PLBD1: variants seen among roughly 807,000 people sequenced by gnomAD.
PLBD1 encodes the protein lysosomal leucine aminopeptidase.
A neutral mutation model predicts 63.0 loss-of-function variants in PLBD1; 60 were observed. The ratio of observed to expected loss-of-function variants is 0.95; its 90% CI spans 0.77 to 1.18. The LOEUF is 1.18. Among genes scored for constraint, PLBD1 ranks in the 50% most tolerant of loss-of-function variants. The probability of loss-of-function intolerance (pLI) is 0.00; values close to 1 mark genes in which losing one functional copy is unlikely to be tolerated. For synonymous variants in PLBD1, 262 were observed against 248.0 expected, an observed-to-expected ratio of 1.06 and a Z score of -0.53; for missense variants, 598 against 677.9, an observed-to-expected ratio of 0.88 and a Z score of 1.31.
rs767137916 is a variant in PLBD1 at position 14,536,553 on chromosome 12, G to C, written c.699+17C>G. The C allele has an allele frequency of 1.9e-5, 30 of 1,612,380 alleles. No individual in the cohort carries two copies. The highest frequency in any genetic ancestry group is 2.5e-5 in the Non-Finnish European group (29 of 1,179,096). The stretch of plus-strand genomic sequence containing the variant: ...TGTATGAACCAGAACAAGGCAAAAG[G>C]AGCTGCTATGTCTTACCTTGATAAG... On this transcript the variant is annotated intron_variant, in intron 5 of 10. Coordinates refer to ENST00000240617, the MANE Select transcript of PLBD1 (RefSeq NM_024829.6).
intron 6 of PLBD1, among the ~76,000 whole-genome samples, chr12:14,514,913 G>A (rs1945326576): frequency 6.6e-6 from 1 of 151,948 alleles, no homozygotes; most frequent in Admixed American, 6.6e-5. Flanking sequence ...TAGCAGCTTT[G>A]GAAGGCAGAT....
intron 1 of PLBD1, among the ~76,000 whole-genome samples, chr12:14,566,325 A>T (rs1194569360): frequency 6.6e-6 from 1 of 152,222 alleles, no homozygotes; most frequent in Non-Finnish European, 1.5e-5. Context: ...GTGATAACTA[A>T]GCAAGTCTCA....
At chr12:14,534,236 A>C (rs529091431) in intron 6 of PLBD1, among the ~76,000 whole-genome samples, 2 of 152,320 alleles carry the variant, frequency 1.3e-5, no homozygotes, top group East Asian at 3.9e-4. Flanking sequence ...TAACCACCCC[A>C]TAAGTTACGG....
intron 6 of PLBD1, among the ~76,000 whole-genome samples, chr12:14,521,263 C>T (rs148546556): frequency 1.3e-5 from 2 of 152,186 alleles, no homozygotes; most frequent in Non-Finnish European, 2.9e-5. Flanking sequence ...GGTGTCCTGA[C>T]GCCCAAGGAA....
chr12:14,554,192 T>C (rs1945682734), intron 1 of PLBD1: 1 of 152,238 alleles, frequency 6.6e-6, no homozygotes, highest in Non-Finnish European at 1.5e-5. Context: ...TGTGGGTCCG[T>C]CCCTACACAA....
intron 8 of PLBD1, among the ~76,000 whole-genome samples, chr12:14,510,342 C>T (rs763497803): frequency 8.6e-5 from 13 of 151,710 alleles, no homozygotes; most frequent in Admixed American, 1.3e-4. Flanking sequence ...TGCAGGGAGC[C>T]GAGATCGCAC....
At chr12:14,535,558 C>T (rs1438471832) in intron 6 of PLBD1, 101 bp downstream of exon 6, 5 of 1,270,906 alleles carry the variant, frequency 3.9e-6, no homozygotes, top group African/African-American at 1.5e-5. Context: ...ATATACTAAC[C>T]ATTAAACATT....
chr12:14,567,726 G>T lies in PLBD1; in HGVS notation c.-30C>A, dbSNP rs780746529. ...CCACGGCCGCGACCTTCCTCTGCGG[G>T]ATCAGGCGGCCGCGGTGGCCCGCGG... On this transcript the variant is annotated 5_prime_UTR_variant, in exon 1 of 11. Coordinates refer to ENST00000240617, the MANE Select transcript of PLBD1 (RefSeq NM_024829.6). The T allele has an allele frequency of 1.4e-6, 2 of 1,393,156 alleles. No homozygotes were observed. Among genetic ancestry groups the T allele is most frequent in the Middle Eastern group, 5.2e-4 (2 of 3,830 alleles). The allele number at this position is 1,393,156 out of a possible 1,614,324, so 86.3% of individuals were successfully genotyped here. A position where few individuals can be genotyped will look rare whatever the true frequency, so the allele number is the denominator to read the frequency against.
At chr12:14,551,112 C>G (rs1473666284) in intron 2 of PLBD1, among the ~76,000 whole-genome samples, 1 of 151,900 alleles carries the variant, frequency 6.6e-6, no homozygotes, top group Non-Finnish European at 1.5e-5. Flanking sequence ...TGCCTGTAAT[C>G]CCAGCACTTT....
chr12:14,544,312 T>C (rs1006010839), intron 2 of PLBD1, among the ~76,000 whole-genome samples: 2 of 152,198 alleles, frequency 1.3e-5, no homozygotes, highest in African/African-American at 4.8e-5. Context: ...TAGCTGGGAC[T>C]ACTGGCGTTT....
chr12:14,512,785 T>C (rs1160227888), intron 6 of PLBD1, among the ~76,000 whole-genome samples: 1 of 152,194 alleles, frequency 6.6e-6, no homozygotes, highest in Non-Finnish European at 1.5e-5. Context: ...CGGTGCATCC[T>C]GCTGAAGGGT....
At chr12:14,527,409 A>G (rs1274719800) in intron 6 of PLBD1, among the ~76,000 whole-genome samples, 2 of 152,204 alleles carry the variant, frequency 1.3e-5, no homozygotes, top group East Asian at 3.8e-4. Context: ...CAGAGGATAC[A>G]TGCTCCCAAA....
At chr12:14,561,584 C>T (rs921231090) in intron 1 of PLBD1, among the ~76,000 whole-genome samples, 1 of 152,262 alleles carries the variant, frequency 6.6e-6, no homozygotes, top group Non-Finnish European at 1.5e-5. Flanking sequence ...GACAGAGTTT[C>T]GCTCTTGTTG....
At chr12:14,540,391 G>A (rs1048572338) in intron 4 of PLBD1, among the ~76,000 whole-genome samples, 3 of 151,872 alleles carry the variant, frequency 2.0e-5, no homozygotes, top group Non-Finnish European at 4.4e-5. Context: ...TTATGTGAAT[G>A]TTGTGGAGTG....
rs146926454 is a variant in PLBD1 at position 14,554,878 on chromosome 12, A to T, written c.116-1466T>A. 3.5e-4 allele frequency among the ~76,000 whole-genome samples: 53 copies of T among 152,034 alleles called. No homozygotes were observed. The East Asian group carries it at 8.5e-3, about 24-fold the overall frequency. On this transcript the variant is annotated intron_variant, in intron 1 of 10. Transcript: ENST00000240617. ...CTTTATCTTCAATACCCCACAGCAC[A>T]CTTAATAACACAATCTGGATGATTC...
intron 6 of PLBD1, among the ~76,000 whole-genome samples, chr12:14,514,065 C>T (rs1945320546): frequency 6.6e-6 from 1 of 152,202 alleles, no homozygotes; most frequent in African/African-American, 2.4e-5. Context: ...AGGCGTGAGC[C>T]ACCGTGCCCG....
intron 8 of PLBD1, among the ~76,000 whole-genome samples, chr12:14,509,724 T>G (rs777672409): frequency 3.9e-5 from 6 of 152,160 alleles, no homozygotes; most frequent in Non-Finnish European, 7.3e-5. Flanking sequence ...CTGTCCCTAT[T>G]CATCTGCCAG....
At chr12:14,554,307 T>C (rs972096603) in intron 1 of PLBD1, 6 of 152,188 alleles carry the variant, frequency 3.9e-5, no homozygotes, top group East Asian at 3.9e-4. Context: ...TTCTATCTTG[T>C]ATCCTCTCGC....
chr12:14,540,051 T>TACAC (rs1431406731), intron 4 of PLBD1, among the ~76,000 whole-genome samples: 6 of 75,328 alleles, frequency 8.0e-5, no homozygotes, highest in African/African-American at 2.9e-4. Context: ...TATATATATA[T>TACAC]ATACACACAC....
Sources: gnomAD v4.1 joint callset for allele counts (sites outside exome capture counted in the v4.1 genomes callset) on GRCh38, gnomAD v4.1.1 for gene constraint, MANE v1.5 for transcripts, NCBI Gene and HGNC (gene_info 2026-07-23, HGNC 2026-07-21) for gene names.